CNTNAP2: variants seen among roughly 807,000 people sequenced by gnomAD.
CNTNAP2 encodes contactin-associated protein-like 2.
A neutral mutation model predicts 155.2 loss-of-function variants in CNTNAP2; 98 were observed. The ratio of observed to expected loss-of-function variants is 0.63; its 90% CI spans 0.54 to 0.75. The LOEUF (loss-of-function observed/expected upper bound fraction) is 0.75. CNTNAP2 is among the 30% of genes least tolerant of loss of function. CNTNAP2 has a pLI of 0.00. For missense variants in CNTNAP2, 1,727 were observed against 1,688.1 expected (o/e 1.02, Z -0.40); for synonymous variants, 651 against 631.2 (o/e 1.03, Z -0.47).
intron 1 of CNTNAP2, among the ~76,000 whole-genome samples, chr7:146,134,030 T>C (rs1156464037): frequency 6.7e-6 from 1 of 149,626 alleles, no homozygotes; most frequent in Non-Finnish European, 1.5e-5. Flanking sequence ...ACGATATTGA[T>C]TCTTCCTACC....
At chr7:146,912,572 C>CA (rs1384484283) in intron 3 of CNTNAP2, among the ~76,000 whole-genome samples, 1 of 152,038 alleles carries the variant, frequency 6.6e-6, no homozygotes, top group African/African-American at 2.4e-5. Flanking sequence ...AATTTATATT[C>CA]AAATACCTGT....
chr7:146,551,850 C>T (rs1322496342), intron 1 of CNTNAP2, among the ~76,000 whole-genome samples: 1 of 151,984 alleles, frequency 6.6e-6, no homozygotes, highest in Admixed American at 6.6e-5. Context: ...CTTCTCCTTC[C>T]ATTTCTCCCC....
intron 1 of CNTNAP2, among the ~76,000 whole-genome samples, chr7:146,646,441 G>A (rs10231742): frequency 6.6e-6 from 1 of 152,034 alleles, no homozygotes; most frequent in Non-Finnish European, 1.5e-5. Flanking sequence ...ATCTGTATAA[G>A]TAGTATAATA....
intron 9 of CNTNAP2, among the ~76,000 whole-genome samples, chr7:147,327,687 A>T (rs1358981460): frequency 1.3e-5 from 2 of 152,174 alleles, no homozygotes; most frequent in East Asian, 3.9e-4. Context: ...TGTTATTTAT[A>T]AGAACAAGAG....
chr7:147,092,375 G>A (rs1800425756), intron 4 of CNTNAP2, among the ~76,000 whole-genome samples: 1 of 152,010 alleles, frequency 6.6e-6, no homozygotes, highest in African/African-American at 2.4e-5. Flanking sequence ...CAATATCTCA[G>A]GCCTTTATTC....
intron 8 of CNTNAP2, among the ~76,000 whole-genome samples, chr7:147,137,368 A>G (rs1374601616): frequency 6.6e-6 from 1 of 151,464 alleles, no homozygotes; most frequent in East Asian, 1.9e-4. Flanking sequence ...GAAATAATAT[A>G]ATACTAATGT....
At chr7:146,175,102 T>TA (rs1458509903) in intron 1 of CNTNAP2, among the ~76,000 whole-genome samples, 1 of 152,100 alleles carries the variant, frequency 6.6e-6, no homozygotes, top group Non-Finnish European at 1.5e-5. Context: ...AACCAGCTGT[T>TA]AGAGGATGGA....
intron 2 of CNTNAP2, among the ~76,000 whole-genome samples, chr7:146,787,045 T>A (rs1286694900): frequency 6.6e-6 from 1 of 152,234 alleles, no homozygotes; most frequent in Non-Finnish European, 1.5e-5. Flanking sequence ...TTCTATAATT[T>A]TCTCTAGCCA....
intron 1 of CNTNAP2, among the ~76,000 whole-genome samples, chr7:146,671,478 T>G (rs1254265205): frequency 1.3e-5 from 2 of 149,552 alleles, no homozygotes; most frequent in African/African-American, 4.9e-5. Context: ...AAAGCAACCC[T>G]GTAAAAATCA....
At chr7:148,167,812 T>C (rs1321003162) in intron 17 of CNTNAP2, among the ~76,000 whole-genome samples, 1 of 152,116 alleles carries the variant, frequency 6.6e-6, no homozygotes, top group African/African-American at 2.4e-5. Flanking sequence ...GGAAGAGAGA[T>C]GGATCCATGT....
At chr7:146,994,434 T>C (rs1336458425) in intron 3 of CNTNAP2, among the ~76,000 whole-genome samples, 1 of 152,176 alleles carries the variant, frequency 6.6e-6, no homozygotes, top group African/African-American at 2.4e-5. Flanking sequence ...TTAAGAATAA[T>C]TTTATGATGA....
intron 12 of CNTNAP2, among the ~76,000 whole-genome samples, chr7:147,605,801 C>T (rs1014567581): frequency 2.0e-5 from 3 of 152,196 alleles, no homozygotes; most frequent in Middle Eastern, 3.4e-3. Context: ...GTTCAAGGCA[C>T]TCAGGATATC....
chr7:147,130,280 ATAAAT>A (rs1025684731), intron 7 of CNTNAP2, among the ~76,000 whole-genome samples: 4 of 151,870 alleles, frequency 2.6e-5, no homozygotes, highest in Admixed American at 2.6e-4. Flanking sequence ...AATTAAAAAA[ATAAAT>A]CAAATTGAAT....
Position 147,413,413 on chromosome 7 carries a change from G to A in CNTNAP2, c.1670+17633G>A, listed in dbSNP as rs564451336. 3.9e-5 allele frequency among the ~76,000 whole-genome samples: 6 copies of A among 152,254 alleles called. No homozygotes were observed. In the East Asian group the frequency reaches 5.8e-4, roughly 15 times the overall value. On this transcript the variant is annotated intron_variant, in intron 10 of 23. Coordinates refer to ENST00000361727, the MANE Select transcript of CNTNAP2 (RefSeq NM_014141.6). ...AAGGAAAATGAGAATGTGGTAGGGC[G>A]GTTGATACAGATCAGTAAGGAAATG... is the stretch of plus-strand genomic sequence containing the variant.
At chr7:147,129,052 T>C (rs1253565367) in intron 7 of CNTNAP2, among the ~76,000 whole-genome samples, 1 of 152,140 alleles carries the variant, frequency 6.6e-6, no homozygotes, top group Non-Finnish European at 1.5e-5. Context: ...AGGTGGTTGG[T>C]TTTATTCCCA....
intron 3 of CNTNAP2, among the ~76,000 whole-genome samples, chr7:146,901,094 G>A (rs1795983820): frequency 6.6e-6 from 1 of 151,642 alleles, no homozygotes; most frequent in Non-Finnish European, 1.5e-5. Context: ...GTCAACACAG[G>A]TAAAACAAAA....
rs568014767 is a variant in CNTNAP2 at position 147,613,586 on chromosome 7, C to G, written c.1898-25520C>G. Among the ~76,000 whole-genome samples the G allele has an allele frequency of 2.0e-4, 31 of 152,074 alleles. 1 individual carries two copies. The highest frequency in any genetic ancestry group is 6.8e-4 in the African/African-American group (28 of 41,478). The stretch of plus-strand genomic sequence containing the variant: ...GATGCAGTGGCTCATGTCTATAATC[C>G]CAGCACTTTGGGAGGCCGAGGTGGG... On this transcript the variant is annotated intron_variant, in intron 12 of 23. Coordinates refer to ENST00000361727, the MANE Select transcript of CNTNAP2 (RefSeq NM_014141.6).
chr7:147,395,434 T>C (rs1034127791), intron 9 of CNTNAP2, among the ~76,000 whole-genome samples, 175 bp from the exon 10 acceptor site: 1 of 152,046 alleles, frequency 6.6e-6, no homozygotes, highest in Non-Finnish European at 1.5e-5. Context: ...TCTTCCTCTG[T>C]AATAATCTCA....
chr7:148,024,046 A>G (rs1279121150), intron 15 of CNTNAP2, among the ~76,000 whole-genome samples: 1 of 151,492 alleles, frequency 6.6e-6, no homozygotes, highest in Non-Finnish European at 1.5e-5. Flanking sequence ...AACATCTAGA[A>G]GTAGACAGTG....
Sources: allele counts gnomAD v4.1 joint callset (sites outside exome capture counted in the v4.1 genomes callset), GRCh38; gene constraint gnomAD v4.1.1; transcripts MANE v1.5; gene names NCBI Gene and HGNC (gene_info 2026-07-23, HGNC 2026-07-21).